CNTNAP5: variants seen among roughly 807,000 people sequenced by gnomAD.
CNTNAP5 encodes the protein contactin associated protein family member 5.
A neutral mutation model predicts 150.2 loss-of-function variants in CNTNAP5; 72 were observed. The ratio of observed to expected loss-of-function variants is 0.48; its 90% confidence interval spans 0.40 to 0.58. The LOEUF (loss-of-function observed/expected upper bound fraction) is 0.58. Among genes scored for constraint, CNTNAP5 ranks in the 20% least tolerant of loss-of-function variants. The probability of loss-of-function intolerance (pLI) is 0.00; values close to 1 mark genes in which losing one functional copy is unlikely to be tolerated. For missense variants in CNTNAP5, 1,636 were observed against 1,626.2 expected (o/e 1.01, Z -0.10); for synonymous variants, 672 against 619.8 (o/e 1.08, Z -1.25).
Position 124,444,264 on chromosome 2 carries a change from C to A in CNTNAP5, c.734-2489C>A, listed in dbSNP as rs140538031. Among the ~76,000 whole-genome samples, 306 of 152,154 alleles carry A rather than the reference C, an allele frequency of 2.0e-3. 1 individual carries two copies. The highest frequency in any genetic ancestry group is 6.9e-3 in the African/African-American group (288 of 41,496). On this transcript the variant is annotated intron_variant, in intron 5 of 23. Transcript: ENST00000682447. ...CTTATAGCCAGTCTTACCTTCTAAT[C>A]CAATTCCCACACAGCTGCCAAAATA...
chr2:124,898,348 G>A (rs561680554), intron 21 of CNTNAP5, among the ~76,000 whole-genome samples: 2 of 150,960 alleles, frequency 1.3e-5, no homozygotes, highest in South Asian at 2.1e-4. Flanking sequence ...TGATCTTTTC[G>A]TGTTTCTTTC....
chr2:124,737,689 A>G (rs925142534), intron 13 of CNTNAP5, among the ~76,000 whole-genome samples: 21 of 152,330 alleles, frequency 1.4e-4, no homozygotes, highest in African/African-American at 5.0e-4. Context: ...TGCTACAAAA[A>G]TAACTTTTGG....
chr2:124,029,343 A>T (rs977973485), intron 1 of CNTNAP5, among the ~76,000 whole-genome samples: 11 of 152,064 alleles, frequency 7.2e-5, no homozygotes, highest in African/African-American at 2.7e-4. Context: ...TTTTTGTGGC[A>T]TTTACAGTCA....
In CNTNAP5 at chr2:124,647,653, G is replaced by A; in HGVS notation, c.1877-105G>A. On this transcript the variant is annotated intron_variant, in intron 12 of 23. Transcript: ENST00000682447. ...GTCCTACTCTCCATACGGTACCGGA[G>A]TGTTGATTAATGTTGCACGCTGAGT... 1.0e-5 allele frequency: 10 copies of A among 996,532 alleles called. No homozygotes were observed. The South Asian group carries it at 1.4e-4, about 14-fold the overall frequency. The allele number at this position is 996,532 out of a possible 1,614,324, so 61.7% of individuals were successfully genotyped here. A position where few individuals can be genotyped will look rare whatever the true frequency, so the allele number is the denominator to read the frequency against.
At chr2:124,181,131 A>C (rs1288663547) in intron 1 of CNTNAP5, among the ~76,000 whole-genome samples, 1 of 151,534 alleles carries the variant, frequency 6.6e-6, no homozygotes, top group Non-Finnish European at 1.5e-5. Context: ...TTTCGATGTA[A>C]TTTTGTATTT....
At chr2:124,665,651 C>A (rs1369171690) in intron 13 of CNTNAP5, among the ~76,000 whole-genome samples, 1 of 152,126 alleles carries the variant, frequency 6.6e-6, no homozygotes, top group African/African-American at 2.4e-5. Flanking sequence ...CTTTGGGAGG[C>A]CGAGACCGGC....
chr2:124,626,426 GAGA>G (rs1205670580), intron 12 of CNTNAP5, among the ~76,000 whole-genome samples: 1 of 152,156 alleles, frequency 6.6e-6, no homozygotes, highest in Non-Finnish European at 1.5e-5. Context: ...TACAGAGAAT[GAGA>G]AGAAGCAGAG....
In CNTNAP5 at chr2:124,762,182, T is replaced by C. The variant is rs1680970200; in HGVS notation, c.2235-1490T>C. On this transcript the variant is annotated intron_variant, in intron 14 of 23. Transcript: ENST00000682447. ...TACTTTCAAGCTGAGACAAAAGCCT[T>C]ATTCTATATCCTTTGAATGGCCTCT... Among the ~76,000 whole-genome samples, 3 of 152,168 alleles carry C rather than the reference T, an allele frequency of 2.0e-5. No individual in the cohort carries two copies. In the South Asian group the frequency reaches 6.2e-4, roughly 31 times the overall value.
At chr2:124,700,279 G>A (rs1679494810) in intron 13 of CNTNAP5, among the ~76,000 whole-genome samples, 1 of 151,990 alleles carries the variant, frequency 6.6e-6, no homozygotes, top group Non-Finnish European at 1.5e-5. Flanking sequence ...ACAAACATTT[G>A]GATTATTTAT....
intron 3 of CNTNAP5, among the ~76,000 whole-genome samples, chr2:124,405,045 G>A (rs946647755): frequency 6.6e-6 from 1 of 151,516 alleles, no homozygotes; most frequent in Non-Finnish European, 1.5e-5. Flanking sequence ...GGGGTGGCGG[G>A]TGGGGGCGGC....
rs140508058 is a variant in CNTNAP5 at position 124,112,827 on chromosome 2, C to G, written c.82+87095C>G. Among the ~76,000 whole-genome samples the G allele has an allele frequency of 2.5e-3, 379 of 152,244 alleles. 1 individual carries two copies. Among genetic ancestry groups the G allele is most frequent in the African/African-American group, 8.6e-3 (356 of 41,546 alleles). On this transcript the variant is annotated intron_variant, in intron 1 of 23. Coordinates refer to ENST00000682447, the MANE Select transcript of CNTNAP5 (RefSeq NM_001367498.1). Reference sequence around the variant, plus strand: ...TTTCAACTCTATAAACAGAATGTATCATTTTGTGTTTCATTTCTTGTGTAT... The same window carrying G: ...TTTCAACTCTATAAACAGAATGTATGATTTTGTGTTTCATTTCTTGTGTAT...
chr2:124,602,063 G>A (rs1042069469), intron 11 of CNTNAP5, among the ~76,000 whole-genome samples: 1 of 152,034 alleles, frequency 6.6e-6, no homozygotes, highest in Non-Finnish European at 1.5e-5. Context: ...AGATAAAATC[G>A]GCCAGGCGCG....
intron 4 of CNTNAP5, among the ~76,000 whole-genome samples, chr2:124,419,014 G>T (rs1692003842): frequency 6.7e-6 from 1 of 148,980 alleles, no homozygotes; most frequent in Non-Finnish European, 1.5e-5. Flanking sequence ...GGCGCCTGTA[G>T]TCCCAGCTAC....
chr2:124,734,104 G>T (rs991221341), intron 13 of CNTNAP5, among the ~76,000 whole-genome samples: 2 of 152,074 alleles, frequency 1.3e-5, no homozygotes, highest in African/African-American at 2.4e-5. Flanking sequence ...GGAGAACCAA[G>T]ACTTTTTAGG....
chr2:124,289,334 G>C, intron 3 of CNTNAP5, among the ~76,000 whole-genome samples: 1 of 152,148 alleles, frequency 6.6e-6, no homozygotes, highest in South Asian at 2.1e-4. Flanking sequence ...ACAATCTAGA[G>C]TAATAAATGT....
intron 11 of CNTNAP5, among the ~76,000 whole-genome samples, chr2:124,576,155 T>G (rs531494084): frequency 6.6e-6 from 1 of 152,232 alleles, no homozygotes; most frequent in South Asian, 2.1e-4. Flanking sequence ...TATATCTATA[T>G]CTATATCTAT....
Position 124,361,341 on chromosome 2 carries a change from G to A in CNTNAP5, c.382-56102G>A, listed in dbSNP as rs1272931315. On this transcript the variant is annotated intron_variant, in intron 3 of 23. Coordinates refer to ENST00000682447, the MANE Select transcript of CNTNAP5 (RefSeq NM_001367498.1). Reference sequence around the variant, plus strand: ...GTCATTCTCCATCCAGCTTTGTTCCGTTGCTGGTGAGGAACTGCATTCCTT... The same window carrying A: ...GTCATTCTCCATCCAGCTTTGTTCCATTGCTGGTGAGGAACTGCATTCCTT... Among the ~76,000 whole-genome samples the A allele has an allele frequency of 2.1e-5, 3 of 144,748 alleles. 1 individual carries two copies. The highest frequency in any genetic ancestry group is 4.1e-4 in the East Asian group (2 of 4,832). The allele number at this position is 144,748 out of a possible 152,430, so 95.0% of individuals were successfully genotyped here.
chr2:124,528,987 C>T (rs1363050637), intron 10 of CNTNAP5, among the ~76,000 whole-genome samples: 4 of 151,860 alleles, frequency 2.6e-5, no homozygotes, highest in South Asian at 4.1e-4. Context: ...AATTTACACA[C>T]ATTTCTCCAT....
At chr2:124,786,726 A>AGGATGAGG (rs1681607157) in intron 17 of CNTNAP5, among the ~76,000 whole-genome samples, 1 of 152,082 alleles carries the variant, frequency 6.6e-6, no homozygotes, top group Admixed American at 6.5e-5. Flanking sequence ...GTGAGAGAGG[A>AGGATGAGG]GGATGAGGGA....
Sources: gnomAD v4.1 joint callset for allele counts (sites outside exome capture counted in the v4.1 genomes callset) on GRCh38, gnomAD v4.1.1 for gene constraint, MANE v1.5 for transcripts, NCBI Gene and HGNC (gene_info 2026-07-23, HGNC 2026-07-21) for gene names.